Variants in WDTC1 observed in about 807,000 individuals in gnomAD.
WDTC1 encodes WD and tetratricopeptide repeats 1, also known as WD and tetratricopeptide repeats protein 1.
In WDTC1, 12 loss-of-function variants were observed where a neutral mutation model predicts 76.0. That is an observed-to-expected ratio of 0.16 (90% confidence interval 0.10 to 0.26). The LOEUF is 0.26. Among genes scored for constraint, WDTC1 ranks in the 10% least tolerant of loss-of-function variants. The probability of loss-of-function intolerance (pLI) is 1.00; values close to 1 mark genes in which losing one functional copy is unlikely to be tolerated. For missense variants in WDTC1, 511 were observed against 908.8 expected, an observed-to-expected ratio of 0.56 and a Z score of 5.63; for synonymous variants, 326 against 350.8, an observed-to-expected ratio of 0.93 and a Z score of 0.79.
At position 27,305,055 on chromosome 1, in the gene WDTC1, A is replaced by G. The variant is rs2013920501; in HGVS notation, c.1698A>G (p.Glu566=). The G allele has an allele frequency of 6.2e-7, 1 of 1,613,894 alleles. No individual in the cohort carries two copies. The highest frequency in any genetic ancestry group is 1.7e-5 in the Admixed American group (1 of 60,004). ...GSDDGSFFIW[E]KETTNLVRVL... is the part of the protein sequence containing the mutation. ...ACGATGGCTCCTTCTTCATCTGGGA[A>G]AAGGAGACCACCAACCTGGTCCGTG... Residue 566 remains glutamate, a synonymous_variant, in exon 15 of 16, where the codon GAA becomes GAG. Transcript: ENST00000319394. The surrounding 1 kb of genome is among the most constrained non-coding windows in gnomAD (Gnocchi z 4.6).
chr1:27,240,782 C>G (rs1458871115), intron 1 of WDTC1, among the ~76,000 whole-genome samples: 2 of 152,084 alleles, frequency 1.3e-5, no homozygotes, highest in African/African-American at 4.8e-5. Context: ...TGAGACCAGC[C>G]TGGCCAAGGT....
chr1:27,271,026 T>A (rs1172929374), intron 3 of WDTC1, among the ~76,000 whole-genome samples: 2 of 152,168 alleles, frequency 1.3e-5, no homozygotes, highest in Non-Finnish European at 2.9e-5. Context: ...TTTTGCCAAT[T>A]TTGGTGTAAC....
intron 3 of WDTC1, among the ~76,000 whole-genome samples, chr1:27,277,407 C>T (rs978313242): frequency 6.6e-6 from 1 of 152,186 alleles, no homozygotes; most frequent in East Asian, 1.9e-4. Flanking sequence ...TGGACATCCA[C>T]TTGTCCTGGC....
chr1:27,242,887 C>G (rs1429797278), intron 1 of WDTC1, among the ~76,000 whole-genome samples: 2 of 152,162 alleles, frequency 1.3e-5, no homozygotes, highest in Non-Finnish European at 2.9e-5. Flanking sequence ...AGAAGCAGCT[C>G]TCTTCTGCAG....
At chr1:27,269,606 G>GTTTTTTTT in intron 3 of WDTC1, among the ~76,000 whole-genome samples, 1 of 119,474 alleles carries the variant, frequency 8.4e-6, no homozygotes, top group Non-Finnish European at 1.6e-5. Flanking sequence ...TTTGTTTTTT[G>GTTTTTTTT]TTTTTTTTTT....
intron 14 of WDTC1, chr1:27,304,346 A>G (rs1425912853): frequency 1.3e-5 from 2 of 159,904 alleles, no homozygotes; most frequent in Non-Finnish European, 2.7e-5. Context: ...ACAGTGGCTC[A>G]TGCCCGTAAT....
At position 27,263,135 on chromosome 1, in the gene WDTC1, T is replaced by C; in HGVS notation, c.49-17T>C. On this transcript the variant is annotated splice_polypyrimidine_tract_variant and intron_variant, in intron 2 of 15. Coordinates refer to ENST00000319394, the MANE Select transcript of WDTC1 (RefSeq NM_001276252.2). ...TAATTGAATCAATGAAATCACGAAT[T>C]TGTTTCTGTCCCCTAGGAGCGGGGT... 1 of 1,612,882 alleles carries C rather than the reference T, an allele frequency of 6.2e-7. No homozygotes were observed. Among genetic ancestry groups the C allele is most frequent in the Non-Finnish European group, 8.5e-7 (1 of 1,179,500 alleles).
At chr1:27,297,205 T>C (rs369805743) in intron 11 of WDTC1, 49 bp downstream of exon 11, 1 of 1,481,448 alleles carries the variant, frequency 6.8e-7, no homozygotes, top group Non-Finnish European at 9.2e-7. Flanking sequence ...TTACACTATA[T>C]GGACTGGAGG....
intron 1 of WDTC1, among the ~76,000 whole-genome samples, chr1:27,253,530 A>C (rs1570944592): frequency 7.3e-6 from 1 of 137,290 alleles, no homozygotes. Context: ...TTTTTTTTTA[A>C]CCGACAAGGT....
chr1:27,282,414 C>T (rs193122107), intron 4 of WDTC1, 129 bp downstream of exon 4: 57 of 821,864 alleles, frequency 6.9e-5, no homozygotes, highest in Admixed American at 3.0e-4. Flanking sequence ...TGCTGTCTGC[C>T]GTTCTTCAGC....
chr1:27,260,926 C>A, intron 1 of WDTC1, 30 bp from the exon 2 acceptor site: 1 of 1,058,024 alleles, frequency 9.5e-7, no homozygotes. Flanking sequence ...ATTATCCATC[C>A]TCCAAAGTTT....
chr1:27,258,925 C>A (rs1416881765), intron 1 of WDTC1, among the ~76,000 whole-genome samples: 1 of 152,114 alleles, frequency 6.6e-6, no homozygotes, highest in Non-Finnish European at 1.5e-5. Flanking sequence ...GTCTTCTGAG[C>A]ACAAAGGGCC....
chr1:27,304,607 G>C (rs1311640740), intron 14 of WDTC1: 2 of 160,042 alleles, frequency 1.2e-5, no homozygotes, highest in African/African-American at 4.8e-5. Context: ...GAAAAAAAAA[G>C]AATCCATCAA....
At chr1:27,267,960 G>A (rs546857815) in intron 3 of WDTC1, among the ~76,000 whole-genome samples, 7 of 152,088 alleles carry the variant, frequency 4.6e-5, no homozygotes, top group African/African-American at 1.2e-4. Context: ...CTTATCAGAC[G>A]AATACCTAGG....
chr1:27,278,062 C>G (rs1193259009), intron 3 of WDTC1, among the ~76,000 whole-genome samples: 1 of 152,124 alleles, frequency 6.6e-6, no homozygotes, highest in Non-Finnish European at 1.5e-5. Flanking sequence ...AGGCTGGTCT[C>G]AAACCCCTGA....
chr1:27,288,199 T>C (rs1363075745), intron 6 of WDTC1, among the ~76,000 whole-genome samples: 1 of 152,136 alleles, frequency 6.6e-6, no homozygotes, highest in East Asian at 1.9e-4. Flanking sequence ...CTCTTTCTTA[T>C]CCTAAGGAGA....
At chr1:27,273,487 C>A (rs1164016789) in intron 3 of WDTC1, among the ~76,000 whole-genome samples, 1 of 152,050 alleles carries the variant, frequency 6.6e-6, no homozygotes, top group African/African-American at 2.4e-5. Flanking sequence ...GGATTACAGG[C>A]GTGAGCCACC....
chr1:27,285,996 G>GTTTTT (rs5773184), intron 5 of WDTC1, among the ~76,000 whole-genome samples: 6 of 63,286 alleles, frequency 9.5e-5, no homozygotes, highest in East Asian at 5.3e-4. Flanking sequence ...CAGGATGGTG[G>GTTTTT]TTTTTTTTTT....
intron 1 of WDTC1, among the ~76,000 whole-genome samples, chr1:27,253,389 T>TCCCCCTCCCCCTC (rs1310899232): frequency 1.5e-5 from 1 of 67,816 alleles, no homozygotes; most frequent in Non-Finnish European, 3.0e-5. Flanking sequence ...TCTTTCTTCT[T>TCCCCCTCCCCCTC]CCCCTCCCCC....
Sources: gnomAD v4.1 joint callset for allele counts (sites outside exome capture counted in the v4.1 genomes callset) on GRCh38, gnomAD v4.1.1 for gene constraint, Gnocchi (gnomAD v3.1) non-coding constraint, MANE v1.5 for transcripts, NCBI Gene and HGNC (gene_info 2026-07-23, HGNC 2026-07-21) for gene names.